ARHGAP39: variants seen among roughly 807,000 people sequenced by gnomAD.
The protein encoded by ARHGAP39 is Rho GTPase activating protein 39, also known as rho GTPase-activating protein 39.
ARHGAP39 carries 44 observed loss-of-function variants against 106.9 expected under a neutral mutation model. The observed-to-expected ratio is 0.41, with a 90% CI of 0.32 to 0.53. ARHGAP39 has a LOEUF of 0.53. Ranked by LOEUF, ARHGAP39 falls within the 20% of genes least tolerant of loss-of-function variation. The pLI is 0.21. For missense variants in ARHGAP39, 1,496 were observed against 1,577.3 expected, an observed-to-expected ratio of 0.95 and a Z score of 0.87; for synonymous variants, 768 against 693.2, an observed-to-expected ratio of 1.11 and a Z score of -1.69.
intron 3 of ARHGAP39, among the ~76,000 whole-genome samples, chr8:144,566,862 G>GAAAAAAAA (rs376603057): frequency 1.1e-5 from 1 of 92,994 alleles, no homozygotes. Context: ...CTCAAAAAAA[G>GAAAAAAAA]AAAAAAAAAA....
intron 1 of ARHGAP39, among the ~76,000 whole-genome samples, chr8:144,661,965 T>G (rs1821834258): frequency 6.7e-6 from 1 of 150,374 alleles, no homozygotes; most frequent in Non-Finnish European, 1.5e-5. Context: ...TTATCCACTT[T>G]GGACTGCTCA....
Position 144,545,488 on chromosome 8 carries a change from G to C in ARHGAP39, c.2282C>G (p.Ala761Gly). 1 of 1,606,126 alleles carries C rather than the reference G, an allele frequency of 6.2e-7. No homozygotes were observed. Among genetic ancestry groups the C allele is most frequent in the Non-Finnish European group, 8.5e-7 (1 of 1,174,650 alleles). The part of the protein sequence containing the change: ...QMYMGDRRAK[A>G]DPLHVALEVA... ...CTCCAGGGCCACGTGCAGTGGGTCG[G>C]CCTTGGCCCGCCGGTCACCCATGTA... Residue 761 changes from alanine to glycine, a missense_variant, in exon 6 of 12, where the codon GCC becomes GGC. Coordinates refer to ENST00000377307, the MANE Select transcript of ARHGAP39 (RefSeq NM_025251.3).
chr8:144,572,720 T>C (rs1016109470), intron 3 of ARHGAP39, among the ~76,000 whole-genome samples: 7 of 152,144 alleles, frequency 4.6e-5, no homozygotes, highest in African/African-American at 1.7e-4. Flanking sequence ...ATTTTTGCAA[T>C]CTACCCATCT....
At chr8:144,694,224 T>A in the ARHGAP39 span, among the ~76,000 whole-genome samples, 22 of 152,250 alleles carry the variant, frequency 1.4e-4, no homozygotes, top group Admixed American at 2.0e-4. Context: ...GGCCAGGTGG[T>A]GGCAGGCTTG....
rs894112717 is a variant in ARHGAP39 at position 144,644,560 on chromosome 8, C to T, written c.-81-38865G>A. ...ATAAATTATACCTCCATAATTGAAA[C>T]ACTGCCAAATGCACGCCGGCTCGTG... On this transcript the variant is annotated intron_variant, in intron 1 of 11. Transcript: ENST00000377307. The surrounding 1 kb of genome is among the most constrained non-coding windows in gnomAD (Gnocchi z 4.8). 1.1e-4 allele frequency among the ~76,000 whole-genome samples: 16 copies of T among 152,210 alleles called. No homozygotes were observed. The highest frequency in any genetic ancestry group is 2.1e-4 in the Non-Finnish European group (14 of 68,052).
chr8:144,547,698 G>A lies in ARHGAP39; in HGVS notation c.1388C>T (p.Thr463Met), dbSNP rs374955831. ...ATCCTCCTGGGCCTGTGGCAGCGGC[G>A]TGGGCGGCTGGCTGTGCCGCAGCTC... ...GPELRHSQPP[T>M]PLPQAQEDAM... The change falls in exon 5 of 12, where the codon ACG becomes ATG. Residue 463 changes from threonine (T) to methionine (M), a missense_variant. Thr to Met is a moderately conservative substitution (Grantham distance 81). Coordinates refer to ENST00000377307, the MANE Select transcript of ARHGAP39 (RefSeq NM_025251.3). This position sits in a 1 kb window ranked among gnomAD's most constrained non-coding sequence, Gnocchi z 5.2. The A allele has an allele frequency of 7.6e-6, 12 of 1,585,972 alleles. No individual in the cohort carries two copies. The highest frequency in any genetic ancestry group is 1.3e-5 in the African/African-American group (1 of 74,652).
At chr8:144,680,660 GA>G (rs528223648) in intron 1 of ARHGAP39, among the ~76,000 whole-genome samples, 4 of 150,624 alleles carry the variant, frequency 2.7e-5, no homozygotes, top group South Asian at 4.2e-4. Context: ...ATACAAAATT[GA>G]AAAAAAAATT....
At chr8:144,582,587 A>T (rs145889423) in intron 2 of ARHGAP39, among the ~76,000 whole-genome samples, 13 of 152,328 alleles carry the variant, frequency 8.5e-5, no homozygotes, top group Non-Finnish European at 1.6e-4. Context: ...TTTGGATGCC[A>T]CAGGCAGAAG....
intron 1 of ARHGAP39, among the ~76,000 whole-genome samples, chr8:144,608,362 T>C (rs950598625): frequency 1.3e-5 from 2 of 152,130 alleles, no homozygotes; most frequent in Non-Finnish European, 2.9e-5. Context: ...CCTTCCCCTA[T>C]GCACCTGCTT....
rs892911135 is a variant in ARHGAP39 at position 144,671,677 on chromosome 8, A to G, written c.-82+14009T>C. ...CCAGACAAGACACCCCTTCTCCAGAAAGCCTACCTGAACTCCACGCCCCTC... is the reference window on the plus strand; with the variant it reads ...CCAGACAAGACACCCCTTCTCCAGAGAGCCTACCTGAACTCCACGCCCCTC... On this transcript the variant is annotated intron_variant, in intron 1 of 11. Transcript: ENST00000377307. This position sits in a 1 kb window ranked among gnomAD's most constrained non-coding sequence, Gnocchi z 4.5. Among the ~76,000 whole-genome samples the G allele has an allele frequency of 7.9e-5, 12 of 152,132 alleles. No individual in the cohort carries two copies. The highest frequency in any genetic ancestry group is 1.8e-4 in the Non-Finnish European group (12 of 68,024).
intron 1 of ARHGAP39, among the ~76,000 whole-genome samples, chr8:144,643,591 C>A (rs1481543777): frequency 2.0e-5 from 3 of 152,322 alleles, no homozygotes; most frequent in African/African-American, 7.2e-5. Flanking sequence ...TCCTCACCTT[C>A]CCCTGGGACC....
rs771461185 is a variant in ARHGAP39, at chr8:144,585,503, G to A, written c.81-4226C>T. ...CTGGCTTCCCCTCGTGCACTCTCTTGCCCTTAGCTCCAGGGCAACTCTCCC... is the reference window on the plus strand; with the variant it reads ...CTGGCTTCCCCTCGTGCACTCTCTTACCCTTAGCTCCAGGGCAACTCTCCC... On this transcript the variant is annotated intron_variant, in intron 2 of 11. Coordinates refer to ENST00000377307, the MANE Select transcript of ARHGAP39 (RefSeq NM_025251.3). This position sits in a 1 kb window ranked among gnomAD's most constrained non-coding sequence, Gnocchi z 4.6. Among the ~76,000 whole-genome samples, 5 of 151,484 alleles carry A rather than the reference G, an allele frequency of 3.3e-5. No individual in the cohort carries two copies. Among genetic ancestry groups the A allele is most frequent in the Non-Finnish European group, 5.9e-5 (4 of 67,950 alleles).
Position 144,646,108 on chromosome 8 carries a change from C to T in ARHGAP39, c.-82+39578G>A, listed in dbSNP as rs544721289. ...TGGTCACCCCTCCCCACCGGTGGCA[C>T]CAAATGTCCGCCAGCAAGGACGGAC... On this transcript the variant is annotated intron_variant, in intron 1 of 11. Coordinates refer to ENST00000377307, the MANE Select transcript of ARHGAP39 (RefSeq NM_025251.3). This position sits in a 1 kb window ranked among gnomAD's most constrained non-coding sequence, Gnocchi z 5.7. Among the ~76,000 whole-genome samples the T allele has an allele frequency of 6.6e-6, 1 of 152,340 alleles. No homozygotes were observed. Among genetic ancestry groups the T allele is most frequent in the East Asian group, 1.9e-4 (1 of 5,190 alleles).
At chr8:144,615,319 T>C (rs1034004028) in intron 1 of ARHGAP39, among the ~76,000 whole-genome samples, 2 of 151,608 alleles carry the variant, frequency 1.3e-5, no homozygotes, top group African/African-American at 4.9e-5. Flanking sequence ...GACCCCCTTC[T>C]CTAAAAATTA....
At chr8:144,554,401 C>A (rs1817837455) in intron 4 of ARHGAP39, among the ~76,000 whole-genome samples, 1 of 152,220 alleles carries the variant, frequency 6.6e-6, no homozygotes, top group Admixed American at 6.5e-5. Context: ...TCTGTGGGTG[C>A]CACAGATGAG....
chr8:144,601,236 C>CTGTG (rs376885727), intron 2 of ARHGAP39, among the ~76,000 whole-genome samples: 2,747 of 94,246 alleles, frequency 0.029, 43 homozygotes, highest in Admixed American at 0.073. Context: ...GCTCATGTAC[C>CTGTG]TGTGTGCATG....
chr8:144,560,328 G>C (rs1818095520), intron 3 of ARHGAP39, among the ~76,000 whole-genome samples: 1 of 152,218 alleles, frequency 6.6e-6, no homozygotes, highest in Non-Finnish European at 1.5e-5. Context: ...CCAGCTACTT[G>C]GGAGGCTGAG....
intron 4 of ARHGAP39, among the ~76,000 whole-genome samples, chr8:144,553,687 T>C (rs1817806070): frequency 6.6e-6 from 1 of 152,080 alleles, no homozygotes; most frequent in South Asian, 2.1e-4. Flanking sequence ...CATGAGGAGG[T>C]GGCCAAGCTG....
Position 144,581,289 on chromosome 8 carries a change from C to G in ARHGAP39, c.81-12G>C, listed in dbSNP as rs1028576308. ...CCACCCACTCCAACCTGGGGAGAGA[C>G]AGGGTTAAGGCGGCTGGAGCCACGG... On this transcript the variant is annotated splice_polypyrimidine_tract_variant and intron_variant, in intron 2 of 11. Transcript: ENST00000377307. The G allele has an allele frequency of 1.3e-6, 2 of 1,533,900 alleles. No individual in the cohort carries two copies. The highest frequency in any genetic ancestry group is 1.8e-6 in the Non-Finnish European group (2 of 1,137,304).
Sources: gnomAD v4.1 joint callset for allele counts (sites outside exome capture counted in the v4.1 genomes callset) on GRCh38, gnomAD v4.1.1 for gene constraint, Gnocchi (gnomAD v3.1) non-coding constraint, MANE v1.5 for transcripts, NCBI Gene and HGNC (gene_info 2026-07-23, HGNC 2026-07-21) for gene names.